UNC5C: variants seen among roughly 807,000 people sequenced by gnomAD.
UNC5C encodes the protein netrin receptor UNC5C.
Under a neutral mutation model 99.8 loss-of-function variants are expected in UNC5C, and 47 were observed. That is an observed-to-expected ratio of 0.47 (90% CI 0.37 to 0.60). UNC5C has a LOEUF of 0.60. Among genes scored for constraint, UNC5C ranks in the 20% least tolerant of loss-of-function variants. The pLI, the probability that UNC5C is intolerant of heterozygous loss-of-function variation, is 0.00. For missense variants in UNC5C, 1,062 were observed against 1,165.9 expected (o/e 0.91, Z 1.30); for synonymous variants, 487 against 452.2 (o/e 1.08, Z -0.98).
At chr4:95,293,768 T>C (rs1205914535) in intron 3 of UNC5C, among the ~76,000 whole-genome samples, 2 of 152,140 alleles carry the variant, frequency 1.3e-5, no homozygotes, top group Admixed American at 1.3e-4. Flanking sequence ...ATATACCACC[T>C]GTATAACCTC....
At chr4:95,400,765 C>G (rs911779702) in intron 1 of UNC5C, among the ~76,000 whole-genome samples, 1 of 152,210 alleles carries the variant, frequency 6.6e-6, no homozygotes, top group Non-Finnish European at 1.5e-5. Flanking sequence ...CAACTCCACC[C>G]TGGGTTGAGC....
chr4:95,470,182 A>G (rs879345664), intron 1 of UNC5C, among the ~76,000 whole-genome samples: 58 of 152,146 alleles, frequency 3.8e-4, no homozygotes, highest in Admixed American at 1.7e-3. Context: ...TACATTCATT[A>G]CATACCTAAC....
intron 3 of UNC5C, among the ~76,000 whole-genome samples, chr4:95,291,191 A>G (rs964753204): frequency 6.6e-6 from 1 of 152,188 alleles, no homozygotes; most frequent in Non-Finnish European, 1.5e-5. Context: ...CCACTCTTTT[A>G]TATTCAAAAT....
At chr4:95,354,569 G>T (rs540685996) in intron 1 of UNC5C, among the ~76,000 whole-genome samples, 1 of 148,766 alleles carries the variant, frequency 6.7e-6, no homozygotes, top group South Asian at 2.1e-4. Flanking sequence ...AACCTCAAAT[G>T]TCTGGGCTCA....
chr4:95,435,994 C>A (rs186970279), intron 1 of UNC5C, among the ~76,000 whole-genome samples: 1 of 152,024 alleles, frequency 6.6e-6, no homozygotes, highest in African/African-American at 2.4e-5. Context: ...TCATGTATAG[C>A]AGAACTGATT....
intron 1 of UNC5C, among the ~76,000 whole-genome samples, chr4:95,532,460 A>G (rs1278285349): frequency 6.6e-6 from 1 of 151,680 alleles, no homozygotes; most frequent in Admixed American, 6.6e-5. Flanking sequence ...AAAAAAAAAA[A>G]AAAAATCCCG....
At chr4:95,192,887 T>C (rs1006795315) in intron 12 of UNC5C, among the ~76,000 whole-genome samples, 5 of 152,222 alleles carry the variant, frequency 3.3e-5, no homozygotes, top group African/African-American at 1.2e-4. Context: ...ATATGATCCA[T>C]AGCTTCTTTC....
At chr4:95,339,517 A>G (rs1436218809) in intron 1 of UNC5C, among the ~76,000 whole-genome samples, 1 of 148,066 alleles carries the variant, frequency 6.8e-6, no homozygotes, top group Non-Finnish European at 1.5e-5. Flanking sequence ...CAAAACTTGG[A>G]GCTATAAAAA....
At chr4:95,437,599 T>C (rs1054496799) in intron 1 of UNC5C, among the ~76,000 whole-genome samples, 3 of 151,978 alleles carry the variant, frequency 2.0e-5, no homozygotes, top group African/African-American at 7.2e-5. Flanking sequence ...TAAAATAAAC[T>C]ACAGAAAATT....
chr4:95,496,457 T>C (rs920250937), intron 1 of UNC5C, among the ~76,000 whole-genome samples: 1 of 151,832 alleles, frequency 6.6e-6, no homozygotes, highest in African/African-American at 2.4e-5. Flanking sequence ...TCATTTTAAC[T>C]AGGAAATTAT....
At chr4:95,406,252 A>C (rs1003079426) in intron 1 of UNC5C, among the ~76,000 whole-genome samples, 2 of 152,118 alleles carry the variant, frequency 1.3e-5, no homozygotes, top group African/African-American at 4.8e-5. Context: ...CCTGTTTCCC[A>C]TGTCCCTGCT....
intron 3 of UNC5C, among the ~76,000 whole-genome samples, chr4:95,281,568 A>G (rs1741061163): frequency 6.6e-6 from 1 of 152,176 alleles, no homozygotes; most frequent in Non-Finnish European, 1.5e-5. Context: ...GAGGACAGGA[A>G]GAGGAGGAAG....
At position 95,438,995 on chromosome 4, in the gene UNC5C, C is replaced by A. The variant is rs78263662; in HGVS notation, c.125-103364G>T. Among the ~76,000 whole-genome samples, 616 of 152,244 alleles carry A rather than the reference C, an allele frequency of 4.0e-3. 1 individual carries two copies. Among genetic ancestry groups the A allele is most frequent in the Non-Finnish European group, 5.9e-3 (401 of 67,996 alleles). On this transcript the variant is annotated intron_variant, in intron 1 of 15. Transcript: ENST00000453304. ...CTAAATGCTAAGGGTCTTTCCTTCTCCCCAAGTGAAGATGGTACAAGGTAG... is the reference window on the plus strand; with the variant it reads ...CTAAATGCTAAGGGTCTTTCCTTCTACCCAAGTGAAGATGGTACAAGGTAG...
At chr4:95,248,536 TCTTTCAGCTGAA>T in intron 5 of UNC5C, 1 of 456,122 alleles carries the variant, frequency 2.2e-6, no homozygotes, top group Non-Finnish European at 4.4e-6. Flanking sequence ...AGGGAAGCCA[TCTTTCAGCTGAA>T]AATCTCCTCT....
At chr4:95,468,766 T>A (rs1384145707) in intron 1 of UNC5C, among the ~76,000 whole-genome samples, 1 of 152,164 alleles carries the variant, frequency 6.6e-6, no homozygotes, top group East Asian at 1.9e-4. Flanking sequence ...GAATTACAGA[T>A]GTTGTGTTTG....
Position 95,267,949 on chromosome 4 carries a change from A to ATTTTTTTTTTTTTTTTT in UNC5C, c.594+10293_594+10309dup, listed in dbSNP as rs869293955. The stretch of plus-strand genomic sequence containing the variant: ...ATGATCCTGTAGGCTGAATTTTGTG[A>ATTTTTTTTTTTTTTTTT]TTTTTTTTTTTTTTTTTTGAGACGG... On this transcript the variant is annotated intron_variant, in intron 4 of 15. Transcript: ENST00000453304. Among the ~76,000 whole-genome samples the ATTTTTTTTTTTTTTTTT allele has an allele frequency of 6.5e-4, 76 of 117,564 alleles. 5 individuals carry two copies. Among genetic ancestry groups the ATTTTTTTTTTTTTTTTT allele is most frequent in the African/African-American group, 2.6e-3 (75 of 29,164 alleles). The allele number at this position is 117,564 out of a possible 152,430, so 77.1% of individuals were successfully genotyped here. A position where few individuals can be genotyped will look rare whatever the true frequency, so the allele number is the denominator to read the frequency against.
In UNC5C at chr4:95,545,279, T is replaced by C. The variant is rs528711881; in HGVS notation, c.124+3455A>G. 2.6e-5 allele frequency among the ~76,000 whole-genome samples: 4 copies of C among 152,324 alleles called. No individual in the cohort carries two copies. In the East Asian group the frequency reaches 7.7e-4, roughly 29 times the overall value. On this transcript the variant is annotated intron_variant, in intron 1 of 15. Transcript: ENST00000453304. The stretch of plus-strand genomic sequence containing the variant: ...AATGATTCCTAATTCTTTGCAAGTG[T>C]TTGAAAAGTTTATTCTTTGAAGATT...
Position 95,255,122 on chromosome 4 carries a change from G to A in UNC5C, c.595-4455C>T, listed in dbSNP as rs540590739. On this transcript the variant is annotated intron_variant, in intron 4 of 15. Transcript: ENST00000453304. ...AGCCTCATGAGTAGCTGGGATTACA[G>A]GTGCCCACCACCATGCCAGGCTAAT... Among the ~76,000 whole-genome samples, 289 of 152,100 alleles carry A rather than the reference G, an allele frequency of 1.9e-3. 2 individuals carry two copies. Among genetic ancestry groups the A allele is most frequent in the African/African-American group, 6.7e-3 (277 of 41,502 alleles).
intron 1 of UNC5C, among the ~76,000 whole-genome samples, chr4:95,464,946 A>C (rs1747727812): frequency 6.6e-6 from 1 of 152,210 alleles, no homozygotes; most frequent in Admixed American, 6.5e-5. Flanking sequence ...CAAATGTTCA[A>C]ATAAAATACG....
Sources: allele counts gnomAD v4.1 joint callset (sites outside exome capture counted in the v4.1 genomes callset), GRCh38; gene constraint gnomAD v4.1.1; transcripts MANE v1.5; gene names NCBI Gene and HGNC (gene_info 2026-07-23, HGNC 2026-07-21).